Variants in TMEM17 observed in about 807,000 individuals in gnomAD.
TMEM17 encodes the protein transmembrane protein 17.
In TMEM17, 15 loss-of-function variants were observed where a neutral mutation model predicts 19.1. That is an observed-to-expected ratio of 0.78 (90% CI 0.52 to 1.21). The LOEUF is 1.21. Ranked by LOEUF, TMEM17 falls within the 50% of genes most tolerant of loss-of-function variation. TMEM17 has a pLI of 0.00. For missense variants in TMEM17, 245 were observed against 242.3 expected, an observed-to-expected ratio of 1.01 and a Z score of -0.07; for synonymous variants, 103 against 86.9, an observed-to-expected ratio of 1.19 and a Z score of -1.03.
the TMEM17 span, among the ~76,000 whole-genome samples, chr2:62,462,240 GTC>G: frequency 1.3e-5 from 2 of 152,226 alleles, no homozygotes; most frequent in South Asian, 4.2e-4. Context: ...CGCCATAGGG[GTC>G]TCAGGCCACC....
chr2:62,497,067 A>C (rs976316895), downstream of TMEM17, among the ~76,000 whole-genome samples: 2 of 152,242 alleles, frequency 1.3e-5, no homozygotes. Context: ...AAGATGAATT[A>C]GAAAAAAGAC....
the TMEM17 span, among the ~76,000 whole-genome samples, chr2:62,459,535 C>G: frequency 2.0e-5 from 3 of 152,334 alleles, no homozygotes; most frequent in Admixed American, 1.3e-4. Flanking sequence ...GCTGTCACAA[C>G]AAGGGATTTT....
the TMEM17 span, among the ~76,000 whole-genome samples, chr2:62,465,976 C>T: frequency 3.3e-5 from 5 of 151,986 alleles, no homozygotes; most frequent in African/African-American, 1.2e-4. Flanking sequence ...ACTGGAGAGC[C>T]AGTTTTAGTT....
chr2:62,498,610 G>A (rs562324849), downstream of TMEM17, among the ~76,000 whole-genome samples: 1 of 146,972 alleles, frequency 6.8e-6, no homozygotes, highest in East Asian at 2.0e-4. Flanking sequence ...CAGCTACTTG[G>A]GAGGCTGAGG....
chr2:62,488,386 G>A, the TMEM17 span, among the ~76,000 whole-genome samples: 2 of 151,898 alleles, frequency 1.3e-5, no homozygotes, highest in Non-Finnish European at 2.9e-5. Context: ...TAAAAACCAT[G>A]GCCCTGATAC....
rs1357678658 is a variant in TMEM17, at chr2:62,501,365, G to C, written c.441C>G (p.Phe147Leu). 1.2e-6 allele frequency: 2 copies of C among 1,614,210 alleles called. No homozygotes were observed. Among genetic ancestry groups the C allele is most frequent in the Admixed American group, 3.3e-5 (2 of 60,024 alleles). ...CAACTTGGAAAGCAAGGAAGAGAGT[G>C]AAGATGATATGTATCGCTTTTTCCA... ...LPLEKAIHIIFTLFLAFQVVA... is the reference protein window; with the variant it reads ...LPLEKAIHIILTLFLAFQVVA... Residue 147 changes from phenylalanine (F) to leucine (L), a missense_variant, in exon 4 of 4, where the codon TTC becomes TTG. Transcript: ENST00000335390.
chr2:62,458,715 G>A, the TMEM17 span, among the ~76,000 whole-genome samples: 1 of 152,188 alleles, frequency 6.6e-6, no homozygotes, highest in Non-Finnish European at 1.5e-5. Flanking sequence ...TGGGCCTTCT[G>A]GTGAGGTTCT....
At chr2:62,474,827 C>T in the TMEM17 span, among the ~76,000 whole-genome samples, 3 of 152,126 alleles carry the variant, frequency 2.0e-5, no homozygotes, top group Non-Finnish European at 4.4e-5. Flanking sequence ...AATCTGTTTC[C>T]TCATCTCGTT....
chr2:62,455,626 G>A, the TMEM17 span, among the ~76,000 whole-genome samples: 1 of 152,198 alleles, frequency 6.6e-6, no homozygotes, highest in Non-Finnish European at 1.5e-5. Flanking sequence ...AATTAGCTGG[G>A]TGTGGTGGTG....
downstream of TMEM17, among the ~76,000 whole-genome samples, chr2:62,498,518 C>T (rs1274895259): frequency 6.6e-6 from 1 of 150,672 alleles, no homozygotes; most frequent in Non-Finnish European, 1.5e-5. Flanking sequence ...AGATCGAGAC[C>T]ATCCCGGCTA....
At chr2:62,469,180 AT>A in the TMEM17 span, among the ~76,000 whole-genome samples, 1 of 152,240 alleles carries the variant, frequency 6.6e-6, no homozygotes, top group Non-Finnish European at 1.5e-5. Context: ...ACATACCTAA[AT>A]TGGCTAGTGG....
the TMEM17 span, among the ~76,000 whole-genome samples, chr2:62,487,158 G>A: frequency 2.6e-5 from 4 of 152,156 alleles, no homozygotes; most frequent in Non-Finnish European, 4.4e-5. Context: ...GGATCTCACT[G>A]GTCTAAAATC....
chr2:62,457,210 C>G, the TMEM17 span, among the ~76,000 whole-genome samples: 207 of 152,368 alleles, frequency 1.4e-3, 3 homozygotes, highest in East Asian at 0.036. This position sits in a 1 kb window ranked among gnomAD's most constrained non-coding sequence, Gnocchi z 4.2. Flanking sequence ...AGCCCCCTGC[C>G]GTGCGGGCTG....
At chr2:62,486,285 G>A in the TMEM17 span, among the ~76,000 whole-genome samples, 1 of 152,230 alleles carries the variant, frequency 6.6e-6, no homozygotes, top group Non-Finnish European at 1.5e-5. Context: ...TGAAGATGTG[G>A]ACAAAAATCA....
At chr2:62,454,853 G>A in the TMEM17 span, among the ~76,000 whole-genome samples, 1 of 152,106 alleles carries the variant, frequency 6.6e-6, no homozygotes, top group Admixed American at 6.6e-5. Flanking sequence ...ACAGGCACCT[G>A]CCACCACGCC....
the TMEM17 span, among the ~76,000 whole-genome samples, chr2:62,494,428 C>T: frequency 1.8e-4 from 27 of 152,020 alleles, no homozygotes; most frequent in Admixed American, 1.6e-3. Context: ...TCTACTTTCT[C>T]GAGTGGTCAT....
chr2:62,483,092 A>G, the TMEM17 span, among the ~76,000 whole-genome samples: 1 of 152,342 alleles, frequency 6.6e-6, no homozygotes, highest in African/African-American at 2.4e-5. Context: ...GACTTGCCCA[A>G]GGTTACCCAG....
the TMEM17 span, chr2:62,463,405 A>T: frequency 1.2e-4 from 19 of 152,356 alleles, no homozygotes; most frequent in East Asian, 2.1e-3. Flanking sequence ...CCATTAGACC[A>T]ACATTATAGT....
chr2:62,467,917 A>G, the TMEM17 span, among the ~76,000 whole-genome samples: 3 of 146,654 alleles, frequency 2.0e-5, no homozygotes, highest in Admixed American at 2.1e-4. Context: ...CAGAAAACAG[A>G]TGCGAATTGT....
Sources: allele counts gnomAD v4.1 joint callset (sites outside exome capture counted in the v4.1 genomes callset), GRCh38; gene constraint gnomAD v4.1.1; non-coding constraint Gnocchi (gnomAD v3.1); transcripts MANE v1.5; gene names NCBI Gene and HGNC (gene_info 2026-07-23, HGNC 2026-07-21).